Variants in DOCK10 observed in about 807,000 individuals in gnomAD.
DOCK10 encodes dedicator of cytokinesis 10.
DOCK10 carries 145 observed loss-of-function variants against 280.1 expected under a neutral mutation model. That is an observed-to-expected ratio of 0.52 (90% CI 0.45 to 0.59). DOCK10 has a LOEUF of 0.59. Among genes scored for constraint, DOCK10 ranks in the 20% least tolerant of loss-of-function variants. The pLI, the probability that DOCK10 is intolerant of heterozygous loss-of-function variation, is 0.00. For synonymous variants in DOCK10, 915 were observed against 942.2 expected (o/e 0.97, Z 0.53); for missense variants, 2,368 against 2,651.7 (o/e 0.89, Z 2.35).
At chr2:224,973,075 A>G (rs972175593) in intron 1 of DOCK10, among the ~76,000 whole-genome samples, 3 of 152,212 alleles carry the variant, frequency 2.0e-5, no homozygotes, top group African/African-American at 4.8e-5. Context: ...CTTTAAAGTA[A>G]ATTAAGTTTG....
chr2:224,988,219 G>A (rs1559930403), intron 1 of DOCK10, among the ~76,000 whole-genome samples: 1 of 152,050 alleles, frequency 6.6e-6, no homozygotes, highest in Non-Finnish European at 1.5e-5. Flanking sequence ...TCCTTATCAC[G>A]GTACCCTGTA....
At position 224,795,016 on chromosome 2, in the gene DOCK10, C is replaced by T; in HGVS notation, c.5017G>A (p.Glu1673Lys). Reference sequence around the variant, plus strand: ...AGCATCTCGGGGTCCTTCTCGTGCTCCTTCATCTGAGCTGTGGCCATCAAA... The same window carrying T: ...AGCATCTCGGGGTCCTTCTCGTGCTTCTTCATCTGAGCTGTGGCCATCAAA... Reference protein sequence around the residue: ...TVLMATAQMKEHEKDPEMLVD... With the variant: ...TVLMATAQMKKHEKDPEMLVD... The change falls in exon 45 of 56, where the codon GAG (glutamate) becomes AAG (lysine). Residue 1673 changes from glutamate (E) to lysine (K), a missense_variant. Transcript: ENST00000258390. 6.2e-7 allele frequency: 1 copy of T among 1,613,920 alleles called. No individual in the cohort carries two copies.
intron 1 of DOCK10, chr2:224,947,103 G>A: frequency 2.2e-6 from 3 of 1,340,804 alleles, no homozygotes; most frequent in African/African-American, 1.5e-5. Context: ...AGAAAGGAAA[G>A]GAAAGCTGTC....
chr2:224,792,665 T>C (rs574599061), intron 47 of DOCK10, among the ~76,000 whole-genome samples: 13 of 152,358 alleles, frequency 8.5e-5, no homozygotes, highest in Admixed American at 3.3e-4. Flanking sequence ...AATTTACCAA[T>C]TTCAGAATAA....
intron 3 of DOCK10, among the ~76,000 whole-genome samples, chr2:224,908,120 C>T (rs979541947): frequency 1.3e-5 from 2 of 148,938 alleles, no homozygotes; most frequent in African/African-American, 5.0e-5. Flanking sequence ...TCTTGCCGAA[C>T]GTTCTGTGCC....
intron 7 of DOCK10, among the ~76,000 whole-genome samples, chr2:224,877,496 CCT>C (rs1416218282): frequency 7.8e-5 from 11 of 141,814 alleles, no homozygotes; most frequent in Non-Finnish European, 1.6e-4. Flanking sequence ...GGAATAGGTT[CCT>C]ATTCCAAGTT....
In DOCK10 at chr2:224,853,433, A is replaced by G. The variant is rs541563697; in HGVS notation, c.1889-311T>C. Among the ~76,000 whole-genome samples the G allele has an allele frequency of 2.0e-5, 3 of 152,390 alleles. No individual in the cohort carries two copies. In the South Asian group the frequency reaches 6.2e-4, roughly 32 times the overall value. ...TAACTAATGAACCTCTGAACATAGT[A>G]GCCAGATATTATAAGAAATAATCCA... On this transcript the variant is annotated intron_variant, in intron 16 of 55. Transcript: ENST00000258390.
chr2:224,876,251 A>G lies in DOCK10; in HGVS notation c.748-30T>C, dbSNP rs748132361. On this transcript the variant is annotated intron_variant, in intron 7 of 55. Transcript: ENST00000258390. ...GGTATAAAAAGAAAGAAAGAAAAAG[A>G]GAATACCAAAAAATAAGCCTTCGAG... The G allele has an allele frequency of 1.5e-5, 23 of 1,541,486 alleles. No homozygotes were observed. In the South Asian group the frequency reaches 2.3e-4, roughly 15 times the overall value.
intron 4 of DOCK10, among the ~76,000 whole-genome samples, chr2:224,886,888 A>ACCCCCCCCCCCC (rs200245451): frequency 7.0e-6 from 1 of 142,482 alleles, no homozygotes; most frequent in African/African-American, 2.9e-5. Flanking sequence ...CACCCCCAAC[A>ACCCCCCCCCCCC]CCCCCCCAAG....
chr2:224,933,741 C>T (rs1223142581), intron 1 of DOCK10, among the ~76,000 whole-genome samples: 1 of 152,172 alleles, frequency 6.6e-6, no homozygotes, highest in African/African-American at 2.4e-5. Flanking sequence ...CTTTTATCTT[C>T]TCCCTCCTCA....
chr2:224,840,822 G>A (rs910418273), intron 23 of DOCK10, among the ~76,000 whole-genome samples: 65 of 152,164 alleles, frequency 4.3e-4, no homozygotes, highest in African/African-American at 1.5e-3. Flanking sequence ...CTTTACTGCA[G>A]CACTATTCAC....
intron 30 of DOCK10, 56 bp from the exon 31 acceptor site, chr2:224,814,420 T>C (rs1034320524): frequency 1.2e-4 from 112 of 953,906 alleles, no homozygotes; most frequent in Non-Finnish European, 1.6e-4. Flanking sequence ...CTCAGATACA[T>C]ATGTATTCAT....
intron 2 of DOCK10, among the ~76,000 whole-genome samples, chr2:224,926,790 G>T (rs905524340): frequency 1.3e-5 from 2 of 152,188 alleles, no homozygotes; most frequent in African/African-American, 4.8e-5. Context: ...GTACTCAAGG[G>T]ATCAACATTA....
intron 3 of DOCK10, among the ~76,000 whole-genome samples, chr2:224,904,905 A>T (rs946246398): frequency 2.6e-5 from 4 of 152,246 alleles, no homozygotes; most frequent in African/African-American, 4.8e-5. Flanking sequence ...GATAAATTTC[A>T]TTCTAGTTAG....
At position 224,921,110 on chromosome 2, in the gene DOCK10, A is replaced by AT. The variant is rs1185460802; in HGVS notation, c.244-4327_244-4326insA. ...TCTCTATTAAAAAAAAAAAAAAAAA[A>AT]AAATATATATATATATATATATATA... On this transcript the variant is annotated intron_variant, in intron 2 of 55. Coordinates refer to ENST00000258390, the MANE Select transcript of DOCK10 (RefSeq NM_014689.3). Among the ~76,000 whole-genome samples, 119 of 69,572 alleles carry AT rather than the reference A, an allele frequency of 1.7e-3. 1 individual carries two copies. The highest frequency in any genetic ancestry group is 6.7e-3 in the Middle Eastern group (1 of 150). The allele number at this position is 69,572 out of a possible 152,430, so 45.6% of individuals were successfully genotyped here.
At chr2:224,844,468 G>T (rs955287907) in intron 22 of DOCK10, among the ~76,000 whole-genome samples, 4 of 152,108 alleles carry the variant, frequency 2.6e-5, no homozygotes, top group Admixed American at 2.6e-4. Context: ...ACATGAGTGT[G>T]GTCAGTGGAA....
At chr2:224,973,502 CCAAGGAATGTGGG>C (rs1705215403) in intron 1 of DOCK10, among the ~76,000 whole-genome samples, 1 of 152,008 alleles carries the variant, frequency 6.6e-6, no homozygotes, top group South Asian at 2.1e-4. Flanking sequence ...GGACCACAAA[CCAAGGAATGTGGG>C]CAGCCTCTAG....
chr2:224,913,844 C>A (rs1419706927), intron 3 of DOCK10, among the ~76,000 whole-genome samples: 4 of 152,152 alleles, frequency 2.6e-5, no homozygotes, highest in African/African-American at 9.7e-5. Flanking sequence ...TCTCTGGCCT[C>A]CCCCTGCTGA....
At chr2:224,978,579 C>T (rs528606281) in intron 1 of DOCK10, among the ~76,000 whole-genome samples, 1 of 152,110 alleles carries the variant, frequency 6.6e-6, no homozygotes, top group African/African-American at 2.4e-5. Context: ...AGTAAATAAA[C>T]AATTATACAT....
Sources: allele counts gnomAD v4.1 joint callset (sites outside exome capture counted in the v4.1 genomes callset), GRCh38; gene constraint gnomAD v4.1.1; transcripts MANE v1.5; gene names NCBI Gene and HGNC (gene_info 2026-07-23, HGNC 2026-07-21).